Variants in KIRREL3 observed in about 807,000 individuals in gnomAD.
The protein encoded by KIRREL3 is kirre like nephrin family adhesion molecule 3.
Under a neutral mutation model 89.7 loss-of-function variants are expected in KIRREL3, and 36 were observed. The observed-to-expected ratio is 0.40, with a 90% CI of 0.31 to 0.53. The LOEUF (loss-of-function observed/expected upper bound fraction) is 0.53, where lower values mean the gene tolerates loss of function less well. Ranked by LOEUF, KIRREL3 falls within the 20% of genes least tolerant of loss-of-function variation. KIRREL3 has a pLI of 0.49. For missense variants in KIRREL3, 864 were observed against 1,056.6 expected, an observed-to-expected ratio of 0.82 and a Z score of 2.53; for synonymous variants, 445 against 441.4, an observed-to-expected ratio of 1.01 and a Z score of -0.10.
At position 126,677,698 on chromosome 11, in the gene KIRREL3, G is replaced by T. The variant is rs377689871; in HGVS notation, c.56-114786C>A. Among the ~76,000 whole-genome samples, 4 of 152,120 alleles carry T rather than the reference G, an allele frequency of 2.6e-5. No individual in the cohort carries two copies. In the South Asian group the frequency reaches 8.3e-4, roughly 32 times the overall value. ...ATCCACCAGCAGCTCGCACGAGTGG[G>T]TCCTCCCAGAATGAGTCCAGGGGAG... On this transcript the variant is annotated intron_variant, in intron 1 of 16. Coordinates refer to ENST00000525144, the MANE Select transcript of KIRREL3 (RefSeq NM_032531.4). The surrounding 1 kb of genome is among the most constrained non-coding windows in gnomAD (Gnocchi z 5.1).
At chr11:126,911,851 C>T (rs946212551) in intron 1 of KIRREL3, among the ~76,000 whole-genome samples, 4 of 151,914 alleles carry the variant, frequency 2.6e-5, no homozygotes, top group East Asian at 1.9e-4. Flanking sequence ...GGCGCGGTGG[C>T]GGGTGCCTGT....
chr11:127,001,482 G>A (rs1029347745), upstream of KIRREL3, among the ~76,000 whole-genome samples: 1 of 152,114 alleles, frequency 6.6e-6, no homozygotes, highest in Non-Finnish European at 1.5e-5. Flanking sequence ...GGACAGGGGA[G>A]CAGCCTGTCT....
chr11:126,880,194 G>A (rs917035979), intron 1 of KIRREL3, among the ~76,000 whole-genome samples: 1 of 152,176 alleles, frequency 6.6e-6, no homozygotes, highest in African/African-American at 2.4e-5. Flanking sequence ...ATTACAAAGA[G>A]CCTGGAATCT....
chr11:126,458,602 G>A (rs1044749419), intron 6 of KIRREL3, among the ~76,000 whole-genome samples: 1 of 152,196 alleles, frequency 6.6e-6, no homozygotes, highest in Non-Finnish European at 1.5e-5. Flanking sequence ...CAGGCACTGG[G>A]GAGAGAACTC....
intron 4 of KIRREL3, among the ~76,000 whole-genome samples, chr11:126,503,898 C>A (rs989605482): frequency 6.6e-6 from 1 of 151,866 alleles, no homozygotes; most frequent in Non-Finnish European, 1.5e-5. Flanking sequence ...ATGCTGGAAC[C>A]CTTAACTCAA....
Position 126,898,978 on chromosome 11 carries a change from T to C in KIRREL3, c.55+101477A>G, listed in dbSNP as rs1946266879. On this transcript the variant is annotated intron_variant, in intron 1 of 16. Coordinates refer to ENST00000525144, the MANE Select transcript of KIRREL3 (RefSeq NM_032531.4). The surrounding 1 kb of genome is among the most constrained non-coding windows in gnomAD (Gnocchi z 4.9). ...CTTGAACAATCAGAGGGGGATGCTG[T>C]AAGATGAGACTTAAAAGCCGCAGGG... 6.8e-6 allele frequency among the ~76,000 whole-genome samples: 1 copy of C among 147,508 alleles called. No homozygotes were observed. The highest frequency in any genetic ancestry group is 1.5e-5 in the Non-Finnish European group (1 of 67,716).
Position 126,495,978 on chromosome 11 carries a change from C to T in KIRREL3, c.434-22512G>A, listed in dbSNP as rs531875838. Among the ~76,000 whole-genome samples, 72 of 152,332 alleles carry T rather than the reference C, an allele frequency of 4.7e-4. No homozygotes were observed. Among genetic ancestry groups the T allele is most frequent in the African/African-American group, 1.5e-3 (64 of 41,564 alleles). On this transcript the variant is annotated intron_variant, in intron 4 of 16. Coordinates refer to ENST00000525144, the MANE Select transcript of KIRREL3 (RefSeq NM_032531.4). The surrounding 1 kb of genome is among the most constrained non-coding windows in gnomAD (Gnocchi z 6.5). ...TTTCTCAGTATCTGCACTGCTACTA[C>T]CCCAGCGCTCCAGCCCCTAGCTGTT...
In KIRREL3 at chr11:126,897,162, A is replaced by T. The variant is rs922178654; in HGVS notation, c.55+103293T>A. Among the ~76,000 whole-genome samples, 3 of 152,128 alleles carry T rather than the reference A, an allele frequency of 2.0e-5. No homozygotes were observed. The East Asian group carries it at 5.8e-4, about 29-fold the overall frequency. ...CAAACCCTTCTGGTCACCCTGGGTC[A>T]GAGGAGCACAGGTGGTCCCATGGGG... On this transcript the variant is annotated intron_variant, in intron 1 of 16. Transcript: ENST00000525144. The surrounding 1 kb of genome is among the most constrained non-coding windows in gnomAD (Gnocchi z 4.2).
At position 126,769,683 on chromosome 11, in the gene KIRREL3, C is replaced by T. The variant is rs1949958711; in HGVS notation, c.56-206771G>A. Among the ~76,000 whole-genome samples, 1 of 152,144 alleles carries T rather than the reference C, an allele frequency of 6.6e-6. No homozygotes were observed. Among genetic ancestry groups the T allele is most frequent in the Admixed American group, 6.5e-5 (1 of 15,274 alleles). On this transcript the variant is annotated intron_variant, in intron 1 of 16. Transcript: ENST00000525144. This position sits in a 1 kb window ranked among gnomAD's most constrained non-coding sequence, Gnocchi z 4.3. The stretch of plus-strand genomic sequence containing the variant: ...GCACAATGCTAGGCCCTGTGAAGGA[C>T]AAGCAAGCAGACATTTGTCCTTGGT...
Position 126,830,185 on chromosome 11 carries a change from T to C in KIRREL3, c.55+170270A>G, listed in dbSNP as rs980622735. ...TTCATGAATGAACAACCCTTGCTAA[T>C]CACTCTGGTCAATATTTATCATAGG... On this transcript the variant is annotated intron_variant, in intron 1 of 16. Coordinates refer to ENST00000525144, the MANE Select transcript of KIRREL3 (RefSeq NM_032531.4). This position sits in a 1 kb window ranked among gnomAD's most constrained non-coding sequence, Gnocchi z 4.9. Among the ~76,000 whole-genome samples, 4 of 152,236 alleles carry C rather than the reference T, an allele frequency of 2.6e-5. No homozygotes were observed.
intron 4 of KIRREL3, among the ~76,000 whole-genome samples, chr11:126,493,413 T>G (rs906369752): frequency 9.2e-5 from 14 of 152,002 alleles, no homozygotes; most frequent in African/African-American, 3.4e-4. Flanking sequence ...CCTAGCACTT[T>G]GGGAGGCTGA....
At chr11:126,849,591 G>C (rs1224332261) in intron 1 of KIRREL3, among the ~76,000 whole-genome samples, 1 of 152,124 alleles carries the variant, frequency 6.6e-6, no homozygotes, top group Non-Finnish European at 1.5e-5. Flanking sequence ...TATTTCTCCT[G>C]TCCCTGCTGA....
At position 126,965,917 on chromosome 11, in the gene KIRREL3, T is replaced by C. The variant is rs1338610243; in HGVS notation, c.55+34538A>G. Among the ~76,000 whole-genome samples the C allele has an allele frequency of 6.6e-6, 1 of 152,186 alleles. No homozygotes were observed. The highest frequency in any genetic ancestry group is 1.5e-5 in the Non-Finnish European group (1 of 68,028). On this transcript the variant is annotated intron_variant, in intron 1 of 16. Transcript: ENST00000525144. This position sits in a 1 kb window ranked among gnomAD's most constrained non-coding sequence, Gnocchi z 4.4. ...AGGTAGGTACTTGAGTGGACTGGCC[T>C]CAACTTGTAGAATTTAGAGTTTTCA... is the stretch of plus-strand genomic sequence containing the variant.
rs1392532763 is a variant in KIRREL3 at position 126,491,537 on chromosome 11, G to GT, written c.434-18072dup. 6.6e-6 allele frequency among the ~76,000 whole-genome samples: 1 copy of GT among 152,140 alleles called. No homozygotes were observed. Among genetic ancestry groups the GT allele is most frequent in the African/African-American group, 2.4e-5 (1 of 41,422 alleles). ...TCCCCCGAGTCGAGGTCTGGGGCAG[G>GT]TAAGGAGGCCATATCAGGAACACCT... On this transcript the variant is annotated intron_variant, in intron 4 of 16. Transcript: ENST00000525144. The surrounding 1 kb of genome is among the most constrained non-coding windows in gnomAD (Gnocchi z 5.5).
intron 1 of KIRREL3, among the ~76,000 whole-genome samples, chr11:126,818,338 G>C (rs1439121870): frequency 6.6e-6 from 1 of 152,324 alleles, no homozygotes; most frequent in Middle Eastern, 3.4e-3. Context: ...TAGGGAGGCA[G>C]TGTGGCAGAA....
chr11:126,516,113 G>A lies in KIRREL3; in HGVS notation c.433+5202C>T, dbSNP rs536535072. 7.9e-5 allele frequency among the ~76,000 whole-genome samples: 12 copies of A among 152,328 alleles called. No individual in the cohort carries two copies. The highest frequency in any genetic ancestry group is 2.1e-4 in the South Asian group (1 of 4,824). ...TGAAAAACAAACTAGTTAAGGACAC[G>A]TCACAGATTGGACCTTATCTGTTTT... On this transcript the variant is annotated intron_variant, in intron 4 of 16. Transcript: ENST00000525144. This position sits in a 1 kb window ranked among gnomAD's most constrained non-coding sequence, Gnocchi z 4.9.
chr11:126,820,927 C>G (rs1943190654), intron 1 of KIRREL3, among the ~76,000 whole-genome samples: 1 of 152,092 alleles, frequency 6.6e-6, no homozygotes, highest in Non-Finnish European at 1.5e-5. Context: ...TCTCAAGGAC[C>G]TGGCGTGCCC....
rs1314657305 is a variant in KIRREL3, at chr11:126,923,125, T to TCTCCTC, written c.55+77329_55+77330insGAGGAG. The stretch of plus-strand genomic sequence containing the variant: ...TTCTCCTTCTCCTTCTCCTTCTCCT[T>TCTCCTC]CTTCTCTTCTTCTTCTTCTTCTTCT... On this transcript the variant is annotated intron_variant, in intron 1 of 16. Coordinates refer to ENST00000525144, the MANE Select transcript of KIRREL3 (RefSeq NM_032531.4). Among the ~76,000 whole-genome samples, 113 of 44,754 alleles carry TCTCCTC rather than the reference T, an allele frequency of 2.5e-3. 5 individuals are homozygous for TCTCCTC. The highest frequency in any genetic ancestry group is 4.7e-3 in the Admixed American group (21 of 4,482). The allele number at this position is 44,754 out of a possible 152,430, so 29.4% of individuals were successfully genotyped here.
rs184466783 is a variant in KIRREL3 at position 126,650,520 on chromosome 11, G to A, written c.56-87608C>T. On this transcript the variant is annotated intron_variant, in intron 1 of 16. Coordinates refer to ENST00000525144, the MANE Select transcript of KIRREL3 (RefSeq NM_032531.4). ...AGTTCAAAGTTCCACAAATCTCTAG[G>A]GCAGGGGCAAAATGCTGCCAGTCTG... is the stretch of plus-strand genomic sequence containing the variant. 6.3e-3 allele frequency among the ~76,000 whole-genome samples: 953 copies of A among 151,960 alleles called. 11 individuals are homozygous for A. The highest frequency in any genetic ancestry group is 0.01 in the Admixed American group (159 of 15,228).
Sources: gnomAD v4.1 joint callset for allele counts (sites outside exome capture counted in the v4.1 genomes callset) on GRCh38, gnomAD v4.1.1 for gene constraint, Gnocchi (gnomAD v3.1) non-coding constraint, MANE v1.5 for transcripts, NCBI Gene and HGNC (gene_info 2026-07-23, HGNC 2026-07-21) for gene names.